The following CACNG7 variants were observed in gnomAD, a reference collection of about 807,000 sequenced individuals.
CACNG7 encodes calcium voltage-gated channel auxiliary subunit gamma 7.
A neutral mutation model predicts 26.3 loss-of-function variants in CACNG7; 9 were observed. That is an observed-to-expected ratio of 0.34 (90% CI 0.21 to 0.60). The LOEUF is 0.60. Ranked by LOEUF, CACNG7 falls within the 20% of genes least tolerant of loss-of-function variation. CACNG7 has a pLI of 0.81. For missense variants in CACNG7, 297 were observed against 380.4 expected, an observed-to-expected ratio of 0.78 and a Z score of 1.82; for synonymous variants, 170 against 157.0, an observed-to-expected ratio of 1.08 and a Z score of -0.62.
intron 4 of CACNG7, among the ~76,000 whole-genome samples, chr19:53,922,176 C>T (rs2068963891): frequency 7.8e-6 from 1 of 127,912 alleles, no homozygotes; most frequent in Admixed American, 7.7e-5. Context: ...GTGGAGTTGT[C>T]CCAGGCTGGT....
chr19:53,938,069 G>A (rs1167635811), intron 4 of CACNG7, among the ~76,000 whole-genome samples: 1 of 152,144 alleles, frequency 6.6e-6, no homozygotes, highest in Non-Finnish European at 1.5e-5. Flanking sequence ...GTTCTAGGCC[G>A]AGTGTGGTGG....
At chr19:53,941,838 G>A (rs1022809323) in intron 5 of CACNG7, among the ~76,000 whole-genome samples, 198 bp from the exon 6 acceptor site, 1 of 152,072 alleles carries the variant, frequency 6.6e-6, no homozygotes, top group African/African-American at 2.4e-5. Flanking sequence ...GGACTCCTGG[G>A]TCTTGAGGGA....
Position 53,912,767 on chromosome 19 carries a change from C to A in CACNG7, c.-29-36C>A. ...CATGGGGTCAAGCACTCTGGTCGGT[C>A]CCATGGAGCTCTGCACTGTAGCTTC... On this transcript the variant is annotated intron_variant, in intron 1 of 5. Coordinates refer to ENST00000391767, the MANE Select transcript of CACNG7 (RefSeq NM_031896.5). This position sits in a 1 kb window ranked among gnomAD's most constrained non-coding sequence, Gnocchi z 4.6. 1 of 1,557,668 alleles carries A rather than the reference C, an allele frequency of 6.4e-7. No homozygotes were observed. Among genetic ancestry groups the A allele is most frequent in the Non-Finnish European group, 8.8e-7 (1 of 1,140,254 alleles).
chr19:53,942,604 C>A lies in CACNG7; in HGVS notation c.*311C>A. ...GAAAATTAGCTCCTCCCTCGTTCTC[C>A]ACCTGCTCTGAGCTGGGAGCAGCCA... On this transcript the variant is annotated 3_prime_UTR_variant, in exon 6 of 6. Transcript: ENST00000391767. This position sits in a 1 kb window ranked among gnomAD's most constrained non-coding sequence, Gnocchi z 5.9. 7.9e-7 allele frequency: 1 copy of A among 1,265,390 alleles called. No homozygotes were observed. Among genetic ancestry groups the A allele is most frequent in the South Asian group, 2.2e-5 (1 of 44,792 alleles). 78.4% of individuals were successfully genotyped at this position (1,265,390 alleles called of 1,614,324 possible).
intron 4 of CACNG7, among the ~76,000 whole-genome samples, chr19:53,925,410 TC>T (rs1248585338): frequency 2.1e-5 from 3 of 143,266 alleles, no homozygotes; most frequent in Admixed American, 7.0e-5. Context: ...CCAGGTCTGG[TC>T]ATTGGTGGAG....
At position 53,915,421 on chromosome 19, in the gene CACNG7, G is replaced by A. The variant is rs1378489400; in HGVS notation, c.340G>A (p.Ala114Thr). The A allele has an allele frequency of 6.2e-7, 1 of 1,613,942 alleles. No individual in the cohort carries two copies. The highest frequency in any genetic ancestry group is 8.5e-7 in the Non-Finnish European group (1 of 1,180,022). The change falls in exon 4 of 6, where the codon GCC becomes ACC. Residue 114 changes from alanine to threonine, a missense_variant. By Grantham distance (58) the Ala-to-Thr change is moderately conservative. Coordinates refer to ENST00000391767, the MANE Select transcript of CACNG7 (RefSeq NM_031896.5). ...GGTCAGCCTCTTCCTCGTGTTCACGGCCTTCGTCATCAGCAACATCGGCCA... is the reference window on the plus strand; with the variant it reads ...GGTCAGCCTCTTCCTCGTGTTCACGACCTTCGTCATCAGCAACATCGGCCA... ...PMVSLFLVFT[A>T]FVISNIGHIR...
At chr19:53,920,999 C>T (rs2068943539) in intron 4 of CACNG7, among the ~76,000 whole-genome samples, 1 of 65,890 alleles carries the variant, frequency 1.5e-5, no homozygotes, top group Non-Finnish European at 2.6e-5. Context: ...TTGCCCCAGG[C>T]TGGTCATTGG....
chr19:53,941,444 C>T (rs377238810), intron 4 of CACNG7, 26 bp from the exon 5 acceptor site: 45 of 1,501,548 alleles, frequency 3.0e-5, no homozygotes, highest in Non-Finnish European at 3.8e-5. Context: ...TTCTAATGGA[C>T]GAGGGCACCC....
In CACNG7 at chr19:53,924,254, GCCCCAGGTCTGGTCATTGGTGGACTTT is replaced by G. The variant is rs1599983880; in HGVS notation, c.424+8773_424+8799del. On this transcript the variant is annotated intron_variant, in intron 4 of 5. Transcript: ENST00000391767. ...CCCAGGTCTGGTCATTGGTGGAGTTGCCCCAGGTCTGGTCATTGGTGGACTTTCCCCAGGTCTGGTCATTGGTGGAGT... is the reference window on the plus strand; with the variant it reads ...CCCAGGTCTGGTCATTGGTGGAGTTGCCCCAGGTCTGGTCATTGGTGGAGT... 7.9e-4 allele frequency among the ~76,000 whole-genome samples: 112 copies of G among 141,094 alleles called. 2 individuals are homozygous for G. Among genetic ancestry groups the G allele is most frequent in the South Asian group, 3.3e-3 (14 of 4,202 alleles). The allele number at this position is 141,094 out of a possible 152,430, so 92.6% of individuals were successfully genotyped here.
intron 4 of CACNG7, among the ~76,000 whole-genome samples, chr19:53,918,494 TA>T (rs1249024756): frequency 6.6e-6 from 1 of 152,108 alleles, no homozygotes; most frequent in Non-Finnish European, 1.5e-5. Flanking sequence ...AAAAGAAGAA[TA>T]ATAGGTAAAA....
At chr19:53,929,944 A>G (rs2069059848) in intron 4 of CACNG7, among the ~76,000 whole-genome samples, 1 of 152,100 alleles carries the variant, frequency 6.6e-6, no homozygotes. Flanking sequence ...TACTTGATGG[A>G]GAATAATAAA....
intron 4 of CACNG7, among the ~76,000 whole-genome samples, chr19:53,923,829 G>C (rs533081702): frequency 7.4e-6 from 1 of 135,834 alleles, no homozygotes; most frequent in East Asian, 2.2e-4. Context: ...CCCAGGTCTG[G>C]TCATTGGTGG....
chr19:53,933,297 A>ATTT (rs1009491295), intron 4 of CACNG7, among the ~76,000 whole-genome samples: 3 of 126,060 alleles, frequency 2.4e-5, no homozygotes, highest in South Asian at 2.5e-4. Context: ...CGCCTGGCCA[A>ATTT]TTTTTTTTTT....
At chr19:53,922,669 GCTGGTCATTGGTGGAGTTGCCCCAGGT>G (rs1568775576) in intron 4 of CACNG7, among the ~76,000 whole-genome samples, 3 of 69,830 alleles carry the variant, frequency 4.3e-5, no homozygotes, top group Admixed American at 1.1e-4. Flanking sequence ...GTTGTCCCAG[GCTGGTCATTGGTGGAGTTGCCCCAGGT>G]CTGGTCATTG....
At chr19:53,918,830 G>T (rs1402732669) in intron 4 of CACNG7, among the ~76,000 whole-genome samples, 1 of 152,156 alleles carries the variant, frequency 6.6e-6, no homozygotes, top group East Asian at 1.9e-4. Context: ...GTGCAATGGC[G>T]CGATCTCGGC....
intron 4 of CACNG7, among the ~76,000 whole-genome samples, chr19:53,920,323 G>GCCCCAGGTCTGGTCATTGGTGGAGTTT (rs1568773256): frequency 9.0e-5 from 10 of 110,852 alleles, no homozygotes; most frequent in Non-Finnish European, 1.6e-4. Context: ...TGGTGGAGTT[G>GCCCCAGGTCTGGTCATTGGTGGAGTTT]CCCCAGGTCT....
rs571114921 is a variant in CACNG7 at position 53,940,702 on chromosome 19, T to C, written c.425-768T>C. ...GGTGGACCAGCTCTATTTTCCCTCCTTCCGAAACCTTTGCCCATGCTGTGC... is the reference window on the plus strand; with the variant it reads ...GGTGGACCAGCTCTATTTTCCCTCCCTCCGAAACCTTTGCCCATGCTGTGC... On this transcript the variant is annotated intron_variant, in intron 4 of 5. Transcript: ENST00000391767. This position sits in a 1 kb window ranked among gnomAD's most constrained non-coding sequence, Gnocchi z 4.1. Among the ~76,000 whole-genome samples the C allele has an allele frequency of 1.4e-4, 21 of 152,220 alleles. No individual in the cohort carries two copies. Among genetic ancestry groups the C allele is most frequent in the Admixed American group, 1.2e-3 (18 of 15,270 alleles).
In CACNG7 at chr19:53,912,604, C is replaced by A; in HGVS notation, c.-29-199C>A. 1 of 533,144 alleles carries A rather than the reference C, an allele frequency of 1.9e-6. No homozygotes were observed. The highest frequency in any genetic ancestry group is 3.3e-5 in the East Asian group (1 of 30,716). 33.0% of individuals were successfully genotyped at this position (533,144 alleles called of 1,614,324 possible). A position where few individuals can be genotyped will look rare whatever the true frequency, so the allele number is the denominator to read the frequency against. Reference sequence around the variant, plus strand: ...GGCAGCAGGTTTGGGGAGCCCAGCCCTGAGGCTGAGGCTCAACAGTTGGTG... The same window carrying A: ...GGCAGCAGGTTTGGGGAGCCCAGCCATGAGGCTGAGGCTCAACAGTTGGTG... On this transcript the variant is annotated intron_variant, in intron 1 of 5. Transcript: ENST00000391767. The surrounding 1 kb of genome is among the most constrained non-coding windows in gnomAD (Gnocchi z 4.6).
At chr19:53,936,939 CCT>C (rs890301864) in intron 4 of CACNG7, among the ~76,000 whole-genome samples, 1 of 151,432 alleles carries the variant, frequency 6.6e-6, no homozygotes, top group African/African-American at 2.4e-5. Flanking sequence ...AGACAGTCTC[CCT>C]CTGTCACCCA....
Sources: gnomAD v4.1 joint callset for allele counts (sites outside exome capture counted in the v4.1 genomes callset) on GRCh38, gnomAD v4.1.1 for gene constraint, Gnocchi (gnomAD v3.1) non-coding constraint, MANE v1.5 for transcripts, NCBI Gene and HGNC (gene_info 2026-07-23, HGNC 2026-07-21) for gene names.